NF1: variants seen among roughly 807,000 people sequenced by gnomAD.
NF1 encodes neurofibromin.
NF1 carries 122 observed loss-of-function variants against 325.7 expected under a neutral mutation model. That is an observed-to-expected ratio of 0.37 (90% confidence interval 0.32 to 0.44). The LOEUF is 0.44. NF1 is among the 20% of genes least tolerant of loss of function. NF1 has a pLI of 1.00. For synonymous variants in NF1, 1,091 were observed against 1,186.0 expected (o/e 0.92, Z 1.65); for missense variants, 2,140 against 3,415.4 (o/e 0.63, Z 9.31).
intron 1 of NF1, among the ~76,000 whole-genome samples, chr17:31,146,142 C>T (rs1366557113): frequency 6.6e-6 from 1 of 152,164 alleles, no homozygotes; most frequent in Non-Finnish European, 1.5e-5. Flanking sequence ...CTCAGGTTCT[C>T]ATCAGCCTGA....
At chr17:31,352,163 T>C in intron 50 of NF1, 94 bp from the exon 51 acceptor site, 1 of 1,152,084 alleles carries the variant, frequency 8.7e-7, no homozygotes, top group South Asian at 1.3e-5. Context: ...TGATTGCTGT[T>C]GTTAGGAAAT....
Position 31,374,691 on chromosome 17 carries a change from G to A in NF1, c.*536G>A, listed in dbSNP as rs1228988788. The A allele has an allele frequency of 4.2e-6, 1 of 237,190 alleles. No individual in the cohort carries two copies. Among genetic ancestry groups the A allele is most frequent in the Non-Finnish European group, 8.3e-6 (1 of 120,148 alleles). 14.7% of individuals were successfully genotyped at this position (237,190 alleles called of 1,614,324 possible). A position where few individuals can be genotyped will look rare whatever the true frequency, so the allele number is the denominator to read the frequency against. On this transcript the variant is annotated 3_prime_UTR_variant, in exon 58 of 58. Coordinates refer to ENST00000358273, the MANE Select transcript of NF1 (RefSeq NM_001042492.3). ...GTACAAAACTGAAAGAACCATAGAG[G>A]TCAAGCCTCAGTGACTTGACACCAT...
chr17:31,101,312 C>CG (rs575856902), intron 1 of NF1, among the ~76,000 whole-genome samples: 53 of 152,182 alleles, frequency 3.5e-4, no homozygotes, highest in East Asian at 3.5e-3. Flanking sequence ...AGTTCCTTAG[C>CG]GGGGGTCTTA....
intron 8 of NF1, among the ~76,000 whole-genome samples, chr17:31,197,070 A>T (rs1347973695): frequency 6.6e-6 from 1 of 150,454 alleles, no homozygotes; most frequent in African/African-American, 2.4e-5. Context: ...TTTGAGATGG[A>T]GTCTCGCTCT....
intron 36 of NF1, chr17:31,305,594 A>C: frequency 1.2e-6 from 2 of 1,612,508 alleles, no homozygotes; most frequent in Non-Finnish European, 1.7e-6. Flanking sequence ...ATTAAGATGA[A>C]ATATTTGGGA....
intron 8 of NF1, among the ~76,000 whole-genome samples, chr17:31,189,095 G>A (rs2952989): frequency 0.54 from 81,641 of 152,028 alleles, 25,782 homozygotes; most frequent in Middle Eastern, 0.76. Context: ...AGTAGTACTC[G>A]AGTGAATTTA....
At chr17:31,152,811 G>C (rs1030350298) in intron 1 of NF1, among the ~76,000 whole-genome samples, 2 of 150,906 alleles carry the variant, frequency 1.3e-5, no homozygotes, top group Non-Finnish European at 3.0e-5. Flanking sequence ...TTGATTTTCT[G>C]TTGTTTAGAC....
intron 36 of NF1, among the ~76,000 whole-genome samples, chr17:31,269,673 T>C (rs2151474514): frequency 6.6e-6 from 1 of 152,352 alleles, no homozygotes; most frequent in East Asian, 1.9e-4. Flanking sequence ...CTACTTTCTT[T>C]GTGTCGGTTT....
At chr17:31,221,506 T>C (rs17883447) in intron 14 of NF1, among the ~76,000 whole-genome samples, 2 of 152,144 alleles carry the variant, frequency 1.3e-5, no homozygotes, top group African/African-American at 4.8e-5. Context: ...GGGGATTAGC[T>C]TTTTGTTTCA....
chr17:31,345,664 A>T, intron 48 of NF1: 1 of 1,614,242 alleles, frequency 6.2e-7, no homozygotes. Flanking sequence ...GCCAGCACCG[A>T]AGTTGGTGAG....
intron 17 of NF1, among the ~76,000 whole-genome samples, chr17:31,226,166 T>A (rs2067008440): frequency 6.6e-6 from 1 of 152,182 alleles, no homozygotes; most frequent in Non-Finnish European, 1.5e-5. Flanking sequence ...GAATCTGGAA[T>A]AGGATAATAT....
At chr17:31,260,743 G>A (rs1000449259) in intron 34 of NF1, among the ~76,000 whole-genome samples, 2 of 151,926 alleles carry the variant, frequency 1.3e-5, no homozygotes, top group African/African-American at 4.8e-5. Flanking sequence ...TTATTTTTTT[G>A]TCAGGTTAAG....
chr17:31,334,720 C>A, intron 39 of NF1, 118 bp from the exon 40 acceptor site: 2 of 778,904 alleles, frequency 2.6e-6, no homozygotes, highest in Non-Finnish European at 4.4e-6. Flanking sequence ...TTTCTCCAGG[C>A]CTGATTCTAG....
At chr17:31,165,717 T>C (rs1567818927) in intron 4 of NF1, among the ~76,000 whole-genome samples, 2 of 152,178 alleles carry the variant, frequency 1.3e-5, no homozygotes, top group Non-Finnish European at 2.9e-5. Context: ...TGAGACACAG[T>C]CTCTCTCTGT....
At position 31,121,637 on chromosome 17, in the gene NF1, G is replaced by T. The variant is rs539844181; in HGVS notation, c.60+26268G>T. The stretch of plus-strand genomic sequence containing the variant: ...TATTGAGAGTTTTTATCATGAAGGG[G>T]TGTTGAATTTTATCAAAGGCCTTTT... On this transcript the variant is annotated intron_variant, in intron 1 of 57. Coordinates refer to ENST00000358273, the MANE Select transcript of NF1 (RefSeq NM_001042492.3). Among the ~76,000 whole-genome samples, 5 of 152,118 alleles carry T rather than the reference G, an allele frequency of 3.3e-5. No homozygotes were observed. In the South Asian group the frequency reaches 8.3e-4, roughly 25 times the overall value.
intron 1 of NF1, among the ~76,000 whole-genome samples, chr17:31,101,032 A>T (rs1310975207): frequency 1.3e-5 from 2 of 151,362 alleles, no homozygotes; most frequent in Non-Finnish European, 2.9e-5. Context: ...TCAGACGTTT[A>T]CTTGGTCCTG....
chr17:31,364,214 T>A (rs1275796988), intron 57 of NF1, among the ~76,000 whole-genome samples: 1 of 152,200 alleles, frequency 6.6e-6, no homozygotes, highest in Non-Finnish European at 1.5e-5. Flanking sequence ...TTGAAAGAAG[T>A]TCTCTGTCAT....
chr17:31,156,905 T>C (rs138627682), intron 2 of NF1, among the ~76,000 whole-genome samples: 2 of 152,332 alleles, frequency 1.3e-5, no homozygotes, highest in African/African-American at 4.8e-5. Flanking sequence ...ACTCAGTTCA[T>C]GGCAACTGAT....
chr17:31,357,236 ATGT>A (rs1228940746), intron 53 of NF1, 30 bp from the exon 54 acceptor site: 3 of 1,604,956 alleles, frequency 1.9e-6, no homozygotes, highest in Non-Finnish European at 2.6e-6. Context: ...CAAAGTAAAA[ATGT>A]TGTGTGTTTA....
Sources: allele counts gnomAD v4.1 joint callset (sites outside exome capture counted in the v4.1 genomes callset), GRCh38; gene constraint gnomAD v4.1.1; transcripts MANE v1.5; gene names NCBI Gene and HGNC (gene_info 2026-07-23, HGNC 2026-07-21).